CNTNAP5: variants seen among roughly 807,000 people sequenced by gnomAD.
CNTNAP5 encodes the protein contactin-associated protein-like 5.
CNTNAP5 carries 72 observed loss-of-function variants against 150.2 expected under a neutral mutation model. The observed-to-expected ratio is 0.48, with a 90% CI of 0.40 to 0.58. CNTNAP5 has a LOEUF of 0.58. Ranked by LOEUF, CNTNAP5 falls within the 20% of genes least tolerant of loss-of-function variation. The pLI is 0.00. For synonymous variants in CNTNAP5, 672 were observed against 619.8 expected, an observed-to-expected ratio of 1.08 and a Z score of -1.25; for missense variants, 1,636 against 1,626.2, an observed-to-expected ratio of 1.01 and a Z score of -0.10.
At position 124,363,588 on chromosome 2, in the gene CNTNAP5, T is replaced by C. The variant is rs547463270; in HGVS notation, c.382-53855T>C. 1.8e-3 allele frequency among the ~76,000 whole-genome samples: 268 copies of C among 152,360 alleles called. 1 individual carries two copies. Among genetic ancestry groups the C allele is most frequent in the African/African-American group, 6.2e-3 (259 of 41,586 alleles). On this transcript the variant is annotated intron_variant, in intron 3 of 23. Coordinates refer to ENST00000682447, the MANE Select transcript of CNTNAP5 (RefSeq NM_001367498.1). The stretch of plus-strand genomic sequence containing the variant: ...TCTCCAAAAAATATAAACAGAATTA[T>C]TTATGCAAGATGAGTGAGTTTTATA...
At chr2:124,396,821 G>A (rs776764591) in intron 3 of CNTNAP5, among the ~76,000 whole-genome samples, 29 of 152,096 alleles carry the variant, frequency 1.9e-4, no homozygotes, top group Non-Finnish European at 2.6e-4. Flanking sequence ...AATAATAATA[G>A]CAATAACGAT....
rs1162702014 is a variant in CNTNAP5 at position 124,914,941 on chromosome 2, C to T, written c.*653C>T. On this transcript the variant is annotated 3_prime_UTR_variant, in exon 24 of 24. Transcript: ENST00000682447. The stretch of plus-strand genomic sequence containing the variant: ...CCAAAACTACTTTGTTCCTTTCTTA[C>T]CACTCTCTCCTGGGGCCGACACGTT... The T allele has an allele frequency of 6.6e-6, 1 of 151,966 alleles. No individual in the cohort carries two copies. The highest frequency in any genetic ancestry group is 1.5e-5 in the Non-Finnish European group (1 of 68,006). 9.4% of individuals were successfully genotyped at this position (151,966 alleles called of 1,614,324 possible).
chr2:124,549,563 AT>A (rs1363343544), intron 10 of CNTNAP5, among the ~76,000 whole-genome samples: 1 of 152,152 alleles, frequency 6.6e-6, no homozygotes, highest in Non-Finnish European at 1.5e-5. Flanking sequence ...CTCAGTATTC[AT>A]TTTGTTTGGC....
intron 13 of CNTNAP5, among the ~76,000 whole-genome samples, chr2:124,660,959 A>G (rs919967437): frequency 5.5e-5 from 8 of 144,174 alleles, no homozygotes; most frequent in African/African-American, 1.2e-4. Flanking sequence ...AAAAAAAAAA[A>G]AAAGAAAAAG....
intron 19 of CNTNAP5, among the ~76,000 whole-genome samples, chr2:124,854,854 G>A (rs550451870): frequency 1.3e-5 from 2 of 152,270 alleles, no homozygotes; most frequent in African/African-American, 4.8e-5. Context: ...AAAGAAAGAT[G>A]TTATTAGTCT....
At chr2:124,871,277 C>CTTATATATTTATTTAT (rs1401599879) in intron 21 of CNTNAP5, among the ~76,000 whole-genome samples, 1 of 135,454 alleles carries the variant, frequency 7.4e-6, no homozygotes, top group African/African-American at 3.7e-5. Flanking sequence ...TACATATTTA[C>CTTATATATTTATTTAT]TTACTTATTT....
At chr2:124,554,719 G>T (rs1234748708) in intron 10 of CNTNAP5, among the ~76,000 whole-genome samples, 1 of 152,140 alleles carries the variant, frequency 6.6e-6, no homozygotes, top group Non-Finnish European at 1.5e-5. Flanking sequence ...ACTGAGCTCA[G>T]CCTTACACAT....
At chr2:124,075,420 C>A (rs538177606) in intron 1 of CNTNAP5, among the ~76,000 whole-genome samples, 1 of 152,098 alleles carries the variant, frequency 6.6e-6, no homozygotes, top group African/African-American at 2.4e-5. Flanking sequence ...ACATTTTCAA[C>A]CTTTTTGTCA....
intron 3 of CNTNAP5, among the ~76,000 whole-genome samples, chr2:124,287,285 A>G (rs1688179264): frequency 6.6e-6 from 1 of 152,200 alleles, no homozygotes; most frequent in South Asian, 2.1e-4. Flanking sequence ...TTCTGACAGC[A>G]TGCAACCTGT....
At chr2:124,608,091 T>A (rs1468477237) in intron 11 of CNTNAP5, among the ~76,000 whole-genome samples, 1 of 152,180 alleles carries the variant, frequency 6.6e-6, no homozygotes, top group Non-Finnish European at 1.5e-5. Context: ...ACCCCTCACA[T>A]TTGATCATGA....
chr2:124,496,839 T>C (rs558390164), intron 7 of CNTNAP5, among the ~76,000 whole-genome samples: 1 of 152,332 alleles, frequency 6.6e-6, no homozygotes, highest in East Asian at 1.9e-4. Flanking sequence ...CACCAACCCA[T>C]GCATCCCCTT....
At chr2:124,128,867 T>C (rs4461265) in intron 1 of CNTNAP5, among the ~76,000 whole-genome samples, 74,889 of 151,686 alleles carry the variant, frequency 0.49, 18,978 homozygotes, top group South Asian at 0.61. Context: ...ACAATGAGAA[T>C]ACTTGAACAC....
At chr2:124,235,911 A>G (rs1271982647) in intron 2 of CNTNAP5, among the ~76,000 whole-genome samples, 1 of 151,780 alleles carries the variant, frequency 6.6e-6, no homozygotes, top group Non-Finnish European at 1.5e-5. Context: ...TGCAACCCAC[A>G]TGGTGCATGG....
At chr2:124,503,626 G>A (rs1428265700) in intron 7 of CNTNAP5, among the ~76,000 whole-genome samples, 1 of 152,164 alleles carries the variant, frequency 6.6e-6, no homozygotes, top group Admixed American at 6.5e-5. Context: ...AAGTTTGAAT[G>A]AAAACCATTC....
chr2:124,329,523 C>A (rs1215955110), intron 3 of CNTNAP5, among the ~76,000 whole-genome samples: 1 of 152,126 alleles, frequency 6.6e-6, no homozygotes, highest in Non-Finnish European at 1.5e-5. Context: ...AGGTGCTCAG[C>A]ATGCCAAAGC....
At chr2:124,786,640 G>A (rs1057005047) in intron 17 of CNTNAP5, among the ~76,000 whole-genome samples, 4 of 152,056 alleles carry the variant, frequency 2.6e-5, no homozygotes, top group Admixed American at 6.5e-5. Context: ...GAGAGAGAGA[G>A]AAGCAAATGG....
chr2:124,042,137 C>T lies in CNTNAP5; in HGVS notation c.82+16405C>T, dbSNP rs569450774. On this transcript the variant is annotated intron_variant, in intron 1 of 23. Coordinates refer to ENST00000682447, the MANE Select transcript of CNTNAP5 (RefSeq NM_001367498.1). ...CGGCCCCGCAAAGTGCTGGGATTAC[C>T]GGCATGAGCCACCATGCCCAGCCAA... 1.8e-3 allele frequency among the ~76,000 whole-genome samples: 280 copies of T among 152,168 alleles called. 1 individual carries two copies. The highest frequency in any genetic ancestry group is 1.7e-3 in the Non-Finnish European group (117 of 68,006).
chr2:124,783,960 A>G (rs970528105), intron 17 of CNTNAP5, among the ~76,000 whole-genome samples: 2 of 152,200 alleles, frequency 1.3e-5, no homozygotes, highest in African/African-American at 2.4e-5. Context: ...GATTCTGCCA[A>G]TTGGAGAACC....
At chr2:124,490,774 GTTT>G (rs1261811470) in intron 7 of CNTNAP5, among the ~76,000 whole-genome samples, 1 of 151,856 alleles carries the variant, frequency 6.6e-6, no homozygotes, top group African/African-American at 2.4e-5. Flanking sequence ...ATTATGTAAT[GTTT>G]TTAATACCGA....
Sources: allele counts gnomAD v4.1 joint callset (sites outside exome capture counted in the v4.1 genomes callset), GRCh38; gene constraint gnomAD v4.1.1; transcripts MANE v1.5; gene names NCBI Gene and HGNC (gene_info 2026-07-23, HGNC 2026-07-21).